NKAIN2: variants seen among roughly 807,000 people sequenced by gnomAD.
NKAIN2 encodes the protein sodium/potassium transporting ATPase interacting 2, also known as sodium/potassium-transporting ATPase subunit beta-1-interacting protein 2.
NKAIN2 carries 14 observed loss-of-function variants against 32.6 expected under a neutral mutation model. The ratio of observed to expected loss-of-function variants is 0.43; its 90% confidence interval spans 0.28 to 0.67. NKAIN2 has a LOEUF of 0.67. Ranked by LOEUF, NKAIN2 falls within the 30% of genes least tolerant of loss-of-function variation. The pLI, the probability that NKAIN2 is intolerant of heterozygous loss-of-function variation, is 0.17. For synonymous variants in NKAIN2, 80 were observed against 87.2 expected (o/e 0.92, Z 0.46); for missense variants, 198 against 258.3 (o/e 0.77, Z 1.60).
At chr6:124,644,291 C>A (rs1784089235) in intron 3 of NKAIN2, among the ~76,000 whole-genome samples, 1 of 152,016 alleles carries the variant, frequency 6.6e-6, no homozygotes, top group African/African-American at 2.4e-5. Context: ...TGAAAGTTTT[C>A]TTTAGATTTA....
chr6:123,815,039 A>G (rs191565184), intron 1 of NKAIN2, among the ~76,000 whole-genome samples: 1 of 152,328 alleles, frequency 6.6e-6, no homozygotes, highest in Admixed American at 6.5e-5. Flanking sequence ...GAATAGCATA[A>G]TGAACATGTG....
chr6:124,334,719 GCTGC>G (rs1371009662), intron 2 of NKAIN2, among the ~76,000 whole-genome samples: 1 of 106,796 alleles, frequency 9.4e-6, no homozygotes, highest in African/African-American at 3.9e-5. Context: ...GCGGCATCTA[GCTGC>G]ATGACTCCTC....
At chr6:124,042,695 A>G in intron 1 of NKAIN2, among the ~76,000 whole-genome samples, 1 of 152,098 alleles carries the variant, frequency 6.6e-6, no homozygotes, top group East Asian at 1.9e-4. Flanking sequence ...AAATGAATGC[A>G]TGGTATAGAG....
At chr6:124,297,329 C>T (rs1796096718) in intron 2 of NKAIN2, among the ~76,000 whole-genome samples, 1 of 151,874 alleles carries the variant, frequency 6.6e-6, no homozygotes, top group Non-Finnish European at 1.5e-5. Flanking sequence ...ATTCTTACAA[C>T]AAATCAAGCT....
chr6:124,045,985 C>G (rs76008684), intron 1 of NKAIN2, among the ~76,000 whole-genome samples: 12,318 of 151,902 alleles, frequency 0.081, 541 homozygotes, highest in Middle Eastern at 0.18. Flanking sequence ...GGCTTAGCCA[C>G]GAAGTACAGA....
At chr6:124,057,151 A>G (rs1037932050) in intron 1 of NKAIN2, among the ~76,000 whole-genome samples, 1 of 152,072 alleles carries the variant, frequency 6.6e-6, no homozygotes, top group Non-Finnish European at 1.5e-5. Context: ...CTTTATAGCT[A>G]AATCAGGGAC....
intron 1 of NKAIN2, among the ~76,000 whole-genome samples, chr6:124,249,770 G>A (rs1793608142): frequency 6.6e-6 from 1 of 152,048 alleles, no homozygotes; most frequent in Non-Finnish European, 1.5e-5. Flanking sequence ...TTCTTTGAAG[G>A]CTGCCTGAAG....
intron 3 of NKAIN2, among the ~76,000 whole-genome samples, chr6:124,493,422 T>G (rs1777941410): frequency 6.6e-6 from 1 of 151,920 alleles, no homozygotes; most frequent in African/African-American, 2.4e-5. Flanking sequence ...TAATATAAAT[T>G]GAAAATAGAT....
chr6:123,913,062 C>T (rs994857681), intron 1 of NKAIN2, among the ~76,000 whole-genome samples: 6 of 152,204 alleles, frequency 3.9e-5, no homozygotes, highest in African/African-American at 1.4e-4. Context: ...GGCCAATATG[C>T]GTAGGTCAAT....
At chr6:124,578,850 C>T (rs553056886) in intron 3 of NKAIN2, among the ~76,000 whole-genome samples, 2 of 152,108 alleles carry the variant, frequency 1.3e-5, no homozygotes, top group Non-Finnish European at 2.9e-5. Flanking sequence ...CTCCAGGCAG[C>T]TCAGCGCAGA....
chr6:124,039,840 C>T lies in NKAIN2; in HGVS notation c.54+235586C>T, dbSNP rs180780001. Among the ~76,000 whole-genome samples, 26 of 151,970 alleles carry T rather than the reference C, an allele frequency of 1.7e-4. No individual in the cohort carries two copies. In the East Asian group the frequency reaches 4.3e-3, roughly 25 times the overall value. ...TAGATTTCTCTCTATTGACTGGTTG[C>T]GGTGACTATTGGTTCCAAAATAACT... is the stretch of plus-strand genomic sequence containing the variant. On this transcript the variant is annotated intron_variant, in intron 1 of 6. Coordinates refer to ENST00000368417, the MANE Select transcript of NKAIN2 (RefSeq NM_001040214.3).
intron 2 of NKAIN2, among the ~76,000 whole-genome samples, chr6:124,315,707 A>G (rs551738487): frequency 6.6e-6 from 1 of 152,294 alleles, no homozygotes; most frequent in East Asian, 1.9e-4. Flanking sequence ...AAAAGATATT[A>G]TCCTGCTAGG....
At chr6:124,286,603 C>T (rs66478115) in intron 2 of NKAIN2, among the ~76,000 whole-genome samples, 5,904 of 148,988 alleles carry the variant, frequency 0.04, 127 homozygotes, top group Non-Finnish European at 0.053. Flanking sequence ...TAGAATTTTT[C>T]GTATGTTCAT....
At chr6:124,798,287 G>A (rs982758480) in intron 5 of NKAIN2, among the ~76,000 whole-genome samples, 1 of 152,108 alleles carries the variant, frequency 6.6e-6, no homozygotes, top group Non-Finnish European at 1.5e-5. Context: ...ATTGTGAGAA[G>A]AATATGTTTA....
At chr6:124,463,745 G>A (rs866868453) in intron 3 of NKAIN2, among the ~76,000 whole-genome samples, 2 of 151,920 alleles carry the variant, frequency 1.3e-5, no homozygotes, top group African/African-American at 2.4e-5. Flanking sequence ...TGCCTGTACA[G>A]GGCTATTACT....
chr6:124,290,510 ATGTGTGTGTGTG>A lies in NKAIN2; in HGVS notation c.192+7399_192+7410del, dbSNP rs56389666. 8.8e-4 allele frequency among the ~76,000 whole-genome samples: 122 copies of A among 137,872 alleles called. 1 individual carries two copies. Among genetic ancestry groups the A allele is most frequent in the Middle Eastern group, 3.6e-3 (1 of 274 alleles). 90.4% of individuals were successfully genotyped at this position (137,872 alleles called of 152,430 possible). A position where few individuals can be genotyped will look rare whatever the true frequency, so the allele number is the denominator to read the frequency against. ...TAGTTCTTCTGGGGTTACCTCAGAAATGTGTGTGTGTGTGTGTGTGTGTGTGTGTGTGTGTGT... is the reference window on the plus strand; with the variant it reads ...TAGTTCTTCTGGGGTTACCTCAGAAATGTGTGTGTGTGTGTGTGTGTGTGT... On this transcript the variant is annotated intron_variant, in intron 2 of 6. Coordinates refer to ENST00000368417, the MANE Select transcript of NKAIN2 (RefSeq NM_001040214.3).
At chr6:124,672,264 A>G (rs949245862) in intron 4 of NKAIN2, among the ~76,000 whole-genome samples, 11 of 152,068 alleles carry the variant, frequency 7.2e-5, no homozygotes, top group African/African-American at 2.7e-4. Context: ...GTCATCATCA[A>G]GGGGATGATT....
At chr6:123,992,061 T>C (rs985153719) in intron 1 of NKAIN2, among the ~76,000 whole-genome samples, 1 of 152,094 alleles carries the variant, frequency 6.6e-6, no homozygotes, top group Non-Finnish European at 1.5e-5. Context: ...ACAAAGAAAC[T>C]AAATTTTTTT....
chr6:124,288,851 A>T (rs1331340854), intron 2 of NKAIN2, among the ~76,000 whole-genome samples: 1 of 152,192 alleles, frequency 6.6e-6, no homozygotes. Flanking sequence ...AAACACCAAT[A>T]TAGACATACA....
Sources: allele counts gnomAD v4.1 joint callset (sites outside exome capture counted in the v4.1 genomes callset), GRCh38; gene constraint gnomAD v4.1.1; transcripts MANE v1.5; gene names NCBI Gene and HGNC (gene_info 2026-07-23, HGNC 2026-07-21).